The following DNAJC13 variants were observed in gnomAD, a reference collection of about 807,000 sequenced individuals.
The protein encoded by DNAJC13 is DnaJ heat shock protein family (Hsp40) member C13.
DNAJC13 carries 75 observed loss-of-function variants against 290.5 expected under a neutral mutation model. The ratio of observed to expected loss-of-function variants is 0.26; its 90% CI spans 0.21 to 0.31. DNAJC13 has a LOEUF of 0.31. DNAJC13 is among the 10% of genes least tolerant of loss of function. The pLI, the probability that DNAJC13 is intolerant of heterozygous loss-of-function variation, is 1.00. For missense variants in DNAJC13, 2,260 were observed against 2,674.5 expected, an observed-to-expected ratio of 0.85 and a Z score of 3.42; for synonymous variants, 862 against 892.0, an observed-to-expected ratio of 0.97 and a Z score of 0.60.
In DNAJC13 at chr3:132,467,258, A is replaced by C. The variant is rs762297429; in HGVS notation, c.2153A>C (p.Lys718Thr). The C allele has an allele frequency of 1.9e-6, 3 of 1,613,894 alleles. No individual in the cohort carries two copies. The African/African-American group carries it at 4.0e-5, about 22-fold the overall frequency. The stretch of plus-strand genomic sequence containing the variant: ...GAAGTTGAAAAATTTGCCAAAGAAA[A>C]AGTGGATCTTGTATTGATGCACTGG... The part of the protein sequence containing the change: ...AKEVEKFAKE[K>T]VDLVLMHWRD... The change falls in exon 20 of 56, where the codon AAA becomes ACA. Residue 718 changes from lysine to threonine, a missense_variant. Lys to Thr is a moderately conservative substitution (Grantham distance 78, BLOSUM62 -1). Around this residue, in one of 3 missense-constraint regions of DNAJC13, gnomAD observed 762 missense variants for 964.1 expected, o/e 0.79. Coordinates refer to ENST00000260818, the MANE Select transcript of DNAJC13 (RefSeq NM_015268.4).
intron 44 of DNAJC13, among the ~76,000 whole-genome samples, chr3:132,512,225 A>G (rs1363553901): frequency 2.6e-5 from 4 of 152,178 alleles, no homozygotes; most frequent in Non-Finnish European, 5.9e-5. Context: ...AATATCCATC[A>G]AGTTTATTAG....
At chr3:132,430,132 C>T (rs774866094) in intron 1 of DNAJC13, among the ~76,000 whole-genome samples, 4 of 152,196 alleles carry the variant, frequency 2.6e-5, no homozygotes, top group Non-Finnish European at 5.9e-5. Flanking sequence ...TCTTCTCATA[C>T]TCCTTTTATC....
rs1934979891 is a variant in DNAJC13 at position 132,489,134 on chromosome 3, A to T, written c.3468+113A>T. The stretch of plus-strand genomic sequence containing the variant: ...AGATTATAAGTACTTGAGGGTAGGT[A>T]TTGTTTTATTCTGTTCTTACATTGT... On this transcript the variant is annotated intron_variant, in intron 31 of 55. Transcript: ENST00000260818. The T allele has an allele frequency of 5.2e-6, 4 of 768,882 alleles. No individual in the cohort carries two copies. In the South Asian group the frequency reaches 5.4e-5, roughly 10 times the overall value. The allele number at this position is 768,882 out of a possible 1,614,324, so 47.6% of individuals were successfully genotyped here. A position where few individuals can be genotyped will look rare whatever the true frequency, so the allele number is the denominator to read the frequency against.
Position 132,492,669 on chromosome 3 carries a change from C to T in DNAJC13, c.3825+54C>T. ...TTAAGCCATAAAAATAGCCTCTAAA[C>T]ACTTCTGGGTATTTTGTCCTCCTGC... On this transcript the variant is annotated intron_variant, in intron 33 of 55. Transcript: ENST00000260818. 4 of 1,509,116 alleles carry T rather than the reference C, an allele frequency of 2.7e-6. No homozygotes were observed. In the South Asian group the frequency reaches 4.6e-5, roughly 17 times the overall value. 93.5% of individuals were successfully genotyped at this position (1,509,116 alleles called of 1,614,324 possible).
At position 132,471,578 on chromosome 3, in the gene DNAJC13, C is replaced by A. The variant is rs1399350538; in HGVS notation, c.2209-1567C>A. ...CTCACCTCCCAGATGGGGTCTCGGC[C>A]GGGCAGAGGCACTCCTCACATCCCA... On this transcript the variant is annotated intron_variant, in intron 20 of 55. Transcript: ENST00000260818. 1.5e-5 allele frequency among the ~76,000 whole-genome samples: 2 copies of A among 137,626 alleles called. 1 individual carries two copies. The highest frequency in any genetic ancestry group is 3.2e-5 in the Non-Finnish European group (2 of 63,316). The allele number at this position is 137,626 out of a possible 152,430, so 90.3% of individuals were successfully genotyped here.
chr3:132,497,882 G>A (rs866934678), intron 36 of DNAJC13, among the ~76,000 whole-genome samples: 2 of 151,744 alleles, frequency 1.3e-5, no homozygotes, highest in Non-Finnish European at 1.5e-5. Context: ...AGGAAAATTA[G>A]GACCTGTTCC....
Position 132,456,555 on chromosome 3 carries a change from G to A in DNAJC13, c.1154G>A (p.Gly385Glu). ...TTCAATGCTAATATTTCATACAGTG[G>A]AGTCCTACATGCAGTAACACAAGAT... ...FRFNANISYSGVLHAVTQDGL... is the reference protein window; with the variant it reads ...FRFNANISYSEVLHAVTQDGL... Residue 385 changes from glycine to glutamate, a missense_variant, in exon 11 of 56, where the codon GGA becomes GAA. Physicochemically the swap from Gly to Glu is moderately conservative, Grantham distance 98. Coordinates refer to ENST00000260818, the MANE Select transcript of DNAJC13 (RefSeq NM_015268.4). The A allele has an allele frequency of 6.2e-7, 1 of 1,613,894 alleles. No individual in the cohort carries two copies. Among genetic ancestry groups the A allele is most frequent in the Non-Finnish European group, 8.5e-7 (1 of 1,179,902 alleles).
In DNAJC13 at chr3:132,538,448, T is replaced by TATCA. The variant is rs765776045; in HGVS notation, c.*167_*170dup. ...GAAAAAAAGTCAGTGATCCTAATTG[T>TATCA]ATCACATTATAAGAAAGCACTCTGT... On this transcript the variant is annotated 3_prime_UTR_variant, in exon 56 of 56. Coordinates refer to ENST00000260818, the MANE Select transcript of DNAJC13 (RefSeq NM_015268.4). 1.2e-4 allele frequency: 65 copies of TATCA among 563,208 alleles called. 1 individual carries two copies. Among genetic ancestry groups the TATCA allele is most frequent in the Non-Finnish European group, 1.9e-4 (62 of 328,196 alleles). The allele number at this position is 563,208 out of a possible 1,614,324, so 34.9% of individuals were successfully genotyped here.
intron 1 of DNAJC13, among the ~76,000 whole-genome samples, chr3:132,424,669 A>G (rs1159129435): frequency 6.6e-6 from 1 of 152,130 alleles, no homozygotes; most frequent in Non-Finnish European, 1.5e-5. Flanking sequence ...AATTATTTGA[A>G]GATATGATTA....
At chr3:132,488,110 A>C (rs556181066) in intron 29 of DNAJC13, among the ~76,000 whole-genome samples, 188 bp from the exon 30 acceptor site, 1 of 152,208 alleles carries the variant, frequency 6.6e-6, no homozygotes, top group Admixed American at 6.5e-5. Flanking sequence ...GATGTTCTGC[A>C]TTAAATGTTG....
chr3:132,442,256 C>T (rs934991682), intron 2 of DNAJC13, among the ~76,000 whole-genome samples: 17 of 151,918 alleles, frequency 1.1e-4, no homozygotes, highest in Non-Finnish European at 2.2e-4. Context: ...CTCGGCCTCT[C>T]GATGTGCTGA....
rs764255980 is a variant in DNAJC13, at chr3:132,488,320, T to C, written c.3290T>C (p.Ile1097Thr). 5.0e-6 allele frequency: 8 copies of C among 1,612,162 alleles called. No individual in the cohort carries two copies. The South Asian group carries it at 8.8e-5, about 18-fold the overall frequency. ...CAGCTACTGCTGACCTTTGACCCTATCCTTGTTGAGAAGGTTGCTATTTTG... is the reference window on the plus strand; with the variant it reads ...CAGCTACTGCTGACCTTTGACCCTACCCTTGTTGAGAAGGTTGCTATTTTG... ...IIQLLLTFDP[I>T]LVEKVAILLY... The change falls in exon 30 of 56, where the codon ATC becomes ACC. Residue 1097 changes from isoleucine to threonine, a missense_variant. Transcript: ENST00000260818.
intron 5 of DNAJC13, among the ~76,000 whole-genome samples, chr3:132,448,524 G>A (rs1933323916): frequency 6.6e-6 from 1 of 152,048 alleles, no homozygotes; most frequent in Non-Finnish European, 1.5e-5. Flanking sequence ...TGGGAAAGAG[G>A]AACAGGAGTG....
Position 132,538,201 on chromosome 3 carries a change from C to G in DNAJC13, c.6651C>G (p.Thr2217=). 1 of 1,613,770 alleles carries G rather than the reference C, an allele frequency of 6.2e-7. No homozygotes were observed. The highest frequency in any genetic ancestry group is 1.1e-5 in the South Asian group (1 of 91,038). Residue 2217 remains threonine, a synonymous_variant, in exon 56 of 56, where the codon ACC becomes ACG. Transcript: ENST00000260818. ...LTGPGVAGYL[T]AGTSTSVMSN... ...GACCTGGAGTTGCTGGCTACCTTAC[C>G]GCAGGTACATCTACATCAGTCATGT...
At chr3:132,503,128 T>G in intron 40 of DNAJC13, 86 bp from the exon 41 acceptor site, 1 of 1,401,342 alleles carries the variant, frequency 7.1e-7, no homozygotes. Flanking sequence ...TTAAATATGT[T>G]CCATATAGTG....
chr3:132,447,826 A>G, intron 4 of DNAJC13, 72 bp from the exon 5 acceptor site: 1 of 1,201,410 alleles, frequency 8.3e-7, no homozygotes, highest in Non-Finnish European at 1.2e-6. Context: ...ACTTGCTTTG[A>G]GTAGAAGGGA....
intron 12 of DNAJC13, 95 bp downstream of exon 12, chr3:132,456,927 C>G (rs1933617523): frequency 1.5e-6 from 2 of 1,345,860 alleles, no homozygotes; most frequent in East Asian, 4.7e-5. Context: ...CTTGACTAAA[C>G]CAGATACCTT....
At chr3:132,528,050 A>G in intron 53 of DNAJC13, 139 bp from the exon 54 acceptor site, 2 of 787,546 alleles carry the variant, frequency 2.5e-6, no homozygotes, top group East Asian at 2.6e-5. Context: ...AAATGTCATT[A>G]GATACTTAAG....
chr3:132,456,362 G>GTA lies in DNAJC13; in HGVS notation c.1061_1062dup (p.Glu355Ter). Reference sequence around the variant, plus strand: ...ACTCAGCATGCCTGTTGATGAGGAAGTAGAGAGCCTTCACCTCAGGTTCTT... The same window carrying GTA: ...ACTCAGCATGCCTGTTGATGAGGAAGTATAGAGAGCCTTCACCTCAGGTTCTT... On this transcript the variant is annotated frameshift_variant, in exon 10 of 56. Coordinates refer to ENST00000260818, the MANE Select transcript of DNAJC13 (RefSeq NM_015268.4). LOFTEE classifies it high-confidence loss of function. 6.2e-7 allele frequency: 1 copy of GTA among 1,613,920 alleles called. No homozygotes were observed. Among genetic ancestry groups the GTA allele is most frequent in the Non-Finnish European group, 8.5e-7 (1 of 1,179,882 alleles).
Sources: gnomAD v4.1 joint callset for allele counts (sites outside exome capture counted in the v4.1 genomes callset) on GRCh38, gnomAD v4.1.1 for gene constraint, gnomAD v4.1.1 regional missense constraint, MANE v1.5 for transcripts, NCBI Gene and HGNC (gene_info 2026-07-23, HGNC 2026-07-21) for gene names.